Variants in VAV3 observed in about 807,000 individuals in gnomAD.
The protein encoded by VAV3 is vav guanine nucleotide exchange factor 3, also known as guanine nucleotide exchange factor VAV3.
Under a neutral mutation model 131.2 loss-of-function variants are expected in VAV3, and 94 were observed. That is an observed-to-expected ratio of 0.72 (90% CI 0.61 to 0.85). The LOEUF (loss-of-function observed/expected upper bound fraction) is 0.85. Ranked by LOEUF, VAV3 falls within the 40% of genes least tolerant of loss-of-function variation. The pLI is 0.00. For synonymous variants in VAV3, 349 were observed against 342.0 expected, an observed-to-expected ratio of 1.02 and a Z score of -0.22; for missense variants, 939 against 1,002.7, an observed-to-expected ratio of 0.94 and a Z score of 0.86.
At chr1:107,812,556 C>T (rs1212482955) in intron 2 of VAV3, among the ~76,000 whole-genome samples, 1 of 151,960 alleles carries the variant, frequency 6.6e-6, no homozygotes, top group African/African-American at 2.4e-5. Context: ...TTAATGTACT[C>T]AATGGCATTC....
At chr1:107,887,576 T>C (rs1174122031) in intron 1 of VAV3, among the ~76,000 whole-genome samples, 1 of 152,200 alleles carries the variant, frequency 6.6e-6, no homozygotes, top group African/African-American at 2.4e-5. Flanking sequence ...TATTTGAATA[T>C]CCAAATTACA....
At chr1:107,694,849 C>A (rs1557769049) in intron 17 of VAV3, among the ~76,000 whole-genome samples, 1 of 152,096 alleles carries the variant, frequency 6.6e-6, no homozygotes, top group African/African-American at 2.4e-5. Flanking sequence ...ATTGAGAGGG[C>A]TGCAGTCTAA....
intron 1 of VAV3, among the ~76,000 whole-genome samples, chr1:107,938,575 C>T (rs76152602): frequency 0.021 from 3,147 of 152,266 alleles, 66 homozygotes; most frequent in South Asian, 0.11. Context: ...GATGTCAGAA[C>T]AATCCAGAAG....
chr1:107,882,564 G>A (rs199821366), intron 1 of VAV3, among the ~76,000 whole-genome samples: 1 of 152,054 alleles, frequency 6.6e-6, no homozygotes, highest in Non-Finnish European at 1.5e-5. Context: ...AGGAAGAGGT[G>A]TAAGGAATAT....
chr1:107,609,814 C>A, intron 22 of VAV3, 117 bp downstream of exon 22: 1 of 1,044,704 alleles, frequency 9.6e-7, no homozygotes, highest in Non-Finnish European at 1.4e-6. Flanking sequence ...CATCTGAAAA[C>A]ACCTTTAGCC....
chr1:107,649,157 A>G (rs542239020), intron 19 of VAV3, among the ~76,000 whole-genome samples: 1 of 152,194 alleles, frequency 6.6e-6, no homozygotes, highest in East Asian at 1.9e-4. Flanking sequence ...CGTGTGAGTT[A>G]GCAGCCACAG....
intron 2 of VAV3, among the ~76,000 whole-genome samples, chr1:107,780,582 C>G (rs930466056): frequency 1.3e-5 from 2 of 152,140 alleles, no homozygotes; most frequent in Admixed American, 1.3e-4. Flanking sequence ...GTGGTGCGAT[C>G]TTGGCTCACT....
At chr1:107,745,841 C>T (rs1339354804) in intron 15 of VAV3, among the ~76,000 whole-genome samples, 1 of 152,180 alleles carries the variant, frequency 6.6e-6, no homozygotes, top group African/African-American at 2.4e-5. Flanking sequence ...TTTCCCTCCA[C>T]CCTCTCACCA....
intron 19 of VAV3, among the ~76,000 whole-genome samples, chr1:107,669,729 G>T (rs568421111): frequency 4.0e-5 from 6 of 151,852 alleles, no homozygotes; most frequent in African/African-American, 1.4e-4. Context: ...TATTCGTGAG[G>T]TGCTGTATTA....
At chr1:107,705,156 GTAGAGA>G in intron 15 of VAV3, 95 bp from the exon 16 acceptor site, 1 of 965,980 alleles carries the variant, frequency 1.0e-6, no homozygotes. Context: ...ATGACATCAG[GTAGAGA>G]TCTGATTCAA....
At chr1:107,582,874 C>T (rs71655921) in intron 25 of VAV3, among the ~76,000 whole-genome samples, 5 of 151,998 alleles carry the variant, frequency 3.3e-5, no homozygotes, top group Admixed American at 6.5e-5. Context: ...AATAAACATA[C>T]GTGTGCATGT....
chr1:107,574,343 G>T, intron 25 of VAV3, 145 bp from the exon 26 acceptor site: 1 of 981,190 alleles, frequency 1.0e-6, no homozygotes, highest in Non-Finnish European at 1.4e-6. Flanking sequence ...GAGCTTGAAA[G>T]CAGCAGAATT....
intron 15 of VAV3, among the ~76,000 whole-genome samples, chr1:107,735,407 A>G (rs1178632420): frequency 2.0e-5 from 3 of 152,206 alleles, no homozygotes; most frequent in Non-Finnish European, 4.4e-5. Flanking sequence ...CAAAAAATCA[A>G]CGAATCCAAG....
chr1:107,899,352 T>C (rs1287825051), intron 1 of VAV3, among the ~76,000 whole-genome samples: 2 of 152,186 alleles, frequency 1.3e-5, no homozygotes, highest in Non-Finnish European at 2.9e-5. Flanking sequence ...CTGCATGTCA[T>C]TTTTGAGCAC....
At chr1:107,908,535 ATT>A (rs1023432243) in intron 1 of VAV3, among the ~76,000 whole-genome samples, 31 of 152,190 alleles carry the variant, frequency 2.0e-4, no homozygotes, top group African/African-American at 7.2e-4. Flanking sequence ...TCTTATTAAC[ATT>A]TTCTGGCTTT....
chr1:107,795,669 C>T (rs1232318251), intron 2 of VAV3, among the ~76,000 whole-genome samples: 1 of 152,216 alleles, frequency 6.6e-6, no homozygotes, highest in East Asian at 1.9e-4. Context: ...CCTACAGGGG[C>T]AGCCCAGACT....
chr1:107,621,197 T>C (rs2101259770), intron 20 of VAV3, among the ~76,000 whole-genome samples: 1 of 152,158 alleles, frequency 6.6e-6, no homozygotes, highest in East Asian at 1.9e-4. Flanking sequence ...TTTTCCTTAA[T>C]AAAATGCCCT....
At position 107,746,291 on chromosome 1, in the gene VAV3, C is replaced by G. The variant is rs151286782; in HGVS notation, c.1502+2677G>C. 1.7e-3 allele frequency among the ~76,000 whole-genome samples: 266 copies of G among 152,220 alleles called. 9 individuals carry two copies. In the East Asian group the frequency reaches 0.044, roughly 25 times the overall value. ...TTATTTAACCATATATAATATAACC[C>G]TTATTTATAGAAGCCCTCAACTTCA... On this transcript the variant is annotated intron_variant, in intron 15 of 26. Transcript: ENST00000370056.
chr1:107,824,517 C>A (rs1292630568), intron 2 of VAV3, among the ~76,000 whole-genome samples: 1 of 152,166 alleles, frequency 6.6e-6, no homozygotes, highest in African/African-American at 2.4e-5. Context: ...TAAATACGGC[C>A]AGCCTTCTGA....
Sources: allele counts gnomAD v4.1 joint callset (sites outside exome capture counted in the v4.1 genomes callset), GRCh38; gene constraint gnomAD v4.1.1; transcripts MANE v1.5; gene names NCBI Gene and HGNC (gene_info 2026-07-23, HGNC 2026-07-21).